The following GRAMD4 variants were observed in gnomAD, a reference collection of about 807,000 sequenced individuals.
GRAMD4 encodes the protein GRAM domain-containing protein 4.
In GRAMD4, 25 loss-of-function variants were observed where a neutral mutation model predicts 83.9. The observed-to-expected ratio is 0.30, with a 90% CI of 0.22 to 0.42. The LOEUF (loss-of-function observed/expected upper bound fraction) is 0.42. GRAMD4 is among the 10% of genes least tolerant of loss of function. The pLI is 1.00. For synonymous variants in GRAMD4, 336 were observed against 320.9 expected (o/e 1.05, Z -0.50); for missense variants, 593 against 788.7 (o/e 0.75, Z 2.97).
In GRAMD4 at chr22:46,637,877, A is replaced by G. The variant is rs768974368; in HGVS notation, c.200A>G (p.Gln67Arg). The change falls in exon 3 of 19, where the codon CAG becomes CGG. Residue 67 changes from glutamine (Q) to arginine (R), a missense_variant. By Grantham distance (43) the Gln-to-Arg change is conservative. Transcript: ENST00000406902. The stretch of plus-strand genomic sequence containing the variant: ...ACCCTCATCATGGCCACAGGAGTCC[A>G]GGACTTTAACCGGACAGAGTTTGAT... The part of the protein sequence containing the change: ...PGTLIMATGV[Q>R]DFNRTEFDRL... 4 of 1,614,054 alleles carry G rather than the reference A, an allele frequency of 2.5e-6. No homozygotes were observed. The highest frequency in any genetic ancestry group is 3.4e-6 in the Non-Finnish European group (4 of 1,179,884).
Position 46,678,852 on chromosome 22 carries a change from A to T in GRAMD4, c.*1601A>T. The T allele has an allele frequency of 1.0e-6, 1 of 986,042 alleles. No individual in the cohort carries two copies. The highest frequency in any genetic ancestry group is 1.2e-6 in the Non-Finnish European group (1 of 830,030). The allele number at this position is 986,042 out of a possible 1,614,324, so 61.1% of individuals were successfully genotyped here. A position where few individuals can be genotyped will look rare whatever the true frequency, so the allele number is the denominator to read the frequency against. The stretch of plus-strand genomic sequence containing the variant: ...TGCTTTGGGGGGAGCTGCGCCGATC[A>T]CCAGATTAAGCACATGTCCTATCCC... On this transcript the variant is annotated 3_prime_UTR_variant, in exon 19 of 19. Transcript: ENST00000406902.
chr22:46,638,788 C>T (rs1181007090), intron 3 of GRAMD4, among the ~76,000 whole-genome samples: 1 of 152,184 alleles, frequency 6.6e-6, no homozygotes, highest in African/African-American at 2.4e-5. Flanking sequence ...CACTTGTGAA[C>T]CACATGGAGC....
At chr22:46,627,433 T>TG (rs1377947907) in intron 2 of GRAMD4, among the ~76,000 whole-genome samples, 1 of 152,222 alleles carries the variant, frequency 6.6e-6, no homozygotes, top group Non-Finnish European at 1.5e-5. Flanking sequence ...TGTGGCCAGC[T>TG]GGGGGGACAG....
At chr22:46,646,657 G>T (rs546642748) in intron 3 of GRAMD4, among the ~76,000 whole-genome samples, 17 of 152,348 alleles carry the variant, frequency 1.1e-4, no homozygotes, top group African/African-American at 3.8e-4. Flanking sequence ...CCCTGGACTT[G>T]CCCCTTTGGA....
chr22:46,672,111 T>C lies in GRAMD4; in HGVS notation c.1085-732T>C, dbSNP rs9616089. 0.11 allele frequency among the ~76,000 whole-genome samples: 17,437 copies of C among 152,230 alleles called. 1,119 individuals are homozygous for C. The highest frequency in any genetic ancestry group is 0.18 in the Middle Eastern group (53 of 294). On this transcript the variant is annotated intron_variant, in intron 13 of 18. Coordinates refer to ENST00000406902, the MANE Select transcript of GRAMD4 (RefSeq NM_015124.5). The surrounding 1 kb of genome is among the most constrained non-coding windows in gnomAD (Gnocchi z 4.7). ...AGAGACCGGAACTCCTGACAGCTTT[T>C]GCTGCCCAGGGGGGTGCGTTAGCAG...
chr22:46,610,813 C>T lies in GRAMD4; in HGVS notation c.-49-15938C>T, dbSNP rs149252300. Among the ~76,000 whole-genome samples, 253 of 152,334 alleles carry T rather than the reference C, an allele frequency of 1.7e-3. 1 individual carries two copies. The highest frequency in any genetic ancestry group is 5.9e-3 in the African/African-American group (245 of 41,566). On this transcript the variant is annotated intron_variant, in intron 1 of 1. Coordinates refer to the GRAMD4 transcript ENST00000431155. ...TGTTTCCACTAGAAACGCATCCCTC[C>T]GTGTGTTTCCTGTGGCTTAGTGTAT...
chr22:46,631,420 A>C (rs2081775821), intron 2 of GRAMD4, among the ~76,000 whole-genome samples: 1 of 149,140 alleles, frequency 6.7e-6, no homozygotes, highest in Non-Finnish European at 1.5e-5. Context: ...GTAGAACCTC[A>C]CAGCCTGTGT....
intron 1 of GRAMD4, among the ~76,000 whole-genome samples, chr22:46,592,589 A>G (rs1392380637): frequency 6.6e-6 from 1 of 152,184 alleles, no homozygotes; most frequent in Non-Finnish European, 1.5e-5. Context: ...GAATGTTTTC[A>G]CTGTTCCGAC....
At position 46,585,641 on chromosome 22, in the gene GRAMD4, G is replaced by A. The variant is rs544199274; in HGVS notation, c.-50+8351G>A. 2.0e-5 allele frequency among the ~76,000 whole-genome samples: 3 copies of A among 152,296 alleles called. No individual in the cohort carries two copies. The East Asian group carries it at 5.8e-4, about 29-fold the overall frequency. ...GGTGCTGGCCTCTTATCACCTGTCC[G>A]GGGCACCTGAATGATGCTTCTGCCT... On this transcript the variant is annotated intron_variant, in intron 1 of 1. Coordinates refer to the GRAMD4 transcript ENST00000431155.
upstream of GRAMD4, among the ~76,000 whole-genome samples, chr22:46,619,564 G>A (rs2081545885): frequency 6.6e-6 from 1 of 152,312 alleles, no homozygotes; most frequent in Non-Finnish European, 1.5e-5. Flanking sequence ...AAAGTGCTGG[G>A]ATTACAGGCC....
chr22:46,629,210 G>T (rs1384887854), intron 2 of GRAMD4, among the ~76,000 whole-genome samples: 2 of 152,132 alleles, frequency 1.3e-5, no homozygotes, highest in Admixed American at 6.5e-5. Context: ...TGACTGCAGA[G>T]ACCAGGCTGA....
chr22:46,599,079 G>A (rs1254068492), intron 1 of GRAMD4, among the ~76,000 whole-genome samples: 4 of 152,134 alleles, frequency 2.6e-5, no homozygotes, highest in African/African-American at 9.7e-5. Flanking sequence ...CAGAGATGGA[G>A]GATCAGATCA....
At position 46,679,297 on chromosome 22, in the gene GRAMD4, T is replaced by C; in HGVS notation, c.*2046T>C. 1.0e-6 allele frequency: 1 copy of C among 985,068 alleles called. No homozygotes were observed. Among genetic ancestry groups the C allele is most frequent in the Non-Finnish European group, 1.2e-6 (1 of 829,844 alleles). 61.0% of individuals were successfully genotyped at this position (985,068 alleles called of 1,614,324 possible). On this transcript the variant is annotated 3_prime_UTR_variant, in exon 19 of 19. Transcript: ENST00000406902. ...CCAGCGTCGGGTGGTTTAGTTCGAG[T>C]CCCTTTTGTGGAGAAAGGGAGATGA... is the stretch of plus-strand genomic sequence containing the variant.
chr22:46,636,194 CT>C (rs915161141), intron 2 of GRAMD4, among the ~76,000 whole-genome samples: 3 of 152,202 alleles, frequency 2.0e-5, no homozygotes, highest in Non-Finnish European at 2.9e-5. Context: ...CCTTGAGACT[CT>C]TTTGGAGCTT....
At chr22:46,589,121 C>T (rs914426994) in intron 1 of GRAMD4, among the ~76,000 whole-genome samples, 2 of 152,040 alleles carry the variant, frequency 1.3e-5, no homozygotes, top group African/African-American at 4.8e-5. Flanking sequence ...ACTCCCCAGC[C>T]TGCTGGTGCT....
At chr22:46,590,614 G>T (rs1351973423) in intron 1 of GRAMD4, among the ~76,000 whole-genome samples, 3 of 152,374 alleles carry the variant, frequency 2.0e-5, no homozygotes, top group South Asian at 2.1e-4. Context: ...AACCCGGGCT[G>T]GGCCCAGGTG....
intron 1 of GRAMD4, among the ~76,000 whole-genome samples, chr22:46,594,932 GTAA>G (rs1178707396): frequency 2.0e-5 from 3 of 152,108 alleles, no homozygotes; most frequent in Non-Finnish European, 4.4e-5. Context: ...TCCGCTGCTG[GTAA>G]CCAGTGCATC....
intron 1 of GRAMD4, among the ~76,000 whole-genome samples, chr22:46,589,061 T>TGGGCAGG (rs1406452222): frequency 2.6e-5 from 4 of 151,888 alleles, no homozygotes; most frequent in Admixed American, 6.6e-5. Flanking sequence ...TCGTCAGTAC[T>TGGGCAGG]GATGGGAGAA....
rs555715402 is a variant in GRAMD4, at chr22:46,626,575, G to A, written c.-49-176G>A. Among the ~76,000 whole-genome samples the A allele has an allele frequency of 1.1e-3, 158 of 146,366 alleles. 1 individual carries two copies. The highest frequency in any genetic ancestry group is 1.8e-3 in the Non-Finnish European group (124 of 67,974). ...GAAAGCTGGACCGGCCGTGCCCTGC[G>A]TGTGGGAGCTGGCTCGTGGGGCTTG... On this transcript the variant is annotated intron_variant, in intron 1 of 18. Coordinates refer to ENST00000406902, the MANE Select transcript of GRAMD4 (RefSeq NM_015124.5).
Sources: allele counts gnomAD v4.1 joint callset (sites outside exome capture counted in the v4.1 genomes callset), GRCh38; gene constraint gnomAD v4.1.1; non-coding constraint Gnocchi (gnomAD v3.1); transcripts MANE v1.5; gene names NCBI Gene and HGNC (gene_info 2026-07-23, HGNC 2026-07-21).